CYP1A2: variants seen among roughly 807,000 people sequenced by gnomAD.
CYP1A2 encodes the protein cytochrome P450 1A2.
Under a neutral mutation model 34.7 loss-of-function variants are expected in CYP1A2, and 35 were observed. The ratio of observed to expected loss-of-function variants is 1.01; its 90% CI spans 0.77 to 1.34. The LOEUF is 1.34. CYP1A2 is among the 40% of genes most tolerant of loss of function. The pLI, the probability that CYP1A2 is intolerant of heterozygous loss-of-function variation, is 0.00. For synonymous variants in CYP1A2, 288 were observed against 281.9 expected, an observed-to-expected ratio of 1.02 and a Z score of -0.22; for missense variants, 675 against 675.8, an observed-to-expected ratio of 1.00 and a Z score of 0.01.
In CYP1A2 at chr15:74,750,301, C is replaced by T; in HGVS notation, c.563C>T (p.Pro188Leu). 1 of 1,614,230 alleles carries T rather than the reference C, an allele frequency of 6.2e-7. No homozygotes were observed. Among genetic ancestry groups the T allele is most frequent in the Non-Finnish European group, 8.5e-7 (1 of 1,180,046 alleles). Residue 188 changes from proline to leucine, a missense_variant, in exon 2 of 7, where the codon CCT becomes CTT. Coordinates refer to ENST00000343932, the MANE Select transcript of CYP1A2 (RefSeq NM_000761.5). ...ELMAGPGHFD[P>L]YNQVVVSVAN... ...ATGGCAGGGCCTGGGCACTTCGACC[C>T]TTACAATCAGGTGGTGGTGTCAGTG...
chr15:74,752,408 C>T (rs1271835725), intron 5 of CYP1A2, among the ~76,000 whole-genome samples, 161 bp downstream of exon 5: 1 of 152,184 alleles, frequency 6.6e-6, no homozygotes, highest in East Asian at 1.9e-4. Context: ...ATAATCTAAC[C>T]CCCAGCTCTC....
intron 1 of CYP1A2, 119 bp from the exon 2 acceptor site, chr15:74,749,611 G>A: frequency 1.2e-6 from 1 of 818,006 alleles, no homozygotes; most frequent in Admixed American, 2.5e-5. Context: ...AGTCTTTCTG[G>A]TATCCAGCTG....
In CYP1A2 at chr15:74,750,377, C is replaced by T. The variant is rs539316577; in HGVS notation, c.639C>T (p.Ser213=). Residue 213 remains serine (S), a synonymous_variant, in exon 2 of 7, where the codon AGC becomes AGT. Transcript: ENST00000343932. ...TCGGACAGCACTTCCCTGAGAGTAG[C>T]GATGAGATGCTCAGCCTCGTGAAGA... ...MCFGQHFPES[S]DEMLSLVKNT... is the part of the protein sequence containing the mutation. 14 of 1,614,140 alleles carry T rather than the reference C, an allele frequency of 8.7e-6. No homozygotes were observed. The highest frequency in any genetic ancestry group is 6.6e-5 in the South Asian group (6 of 91,078).
chr15:74,751,226 A>G lies in CYP1A2; in HGVS notation c.869A>G (p.His290Arg), dbSNP rs771876603. The G allele has an allele frequency of 5.0e-5, 80 of 1,614,022 alleles. 1 individual carries two copies. In the South Asian group the frequency reaches 8.7e-4, roughly 17 times the overall value. Residue 290 changes from histidine to arginine, a missense_variant, in exon 3 of 7, where the codon CAC becomes CGC. Physicochemically the swap from His to Arg is conservative, Grantham distance 29. Transcript: ENST00000343932. The stretch of plus-strand genomic sequence containing the variant: ...GACATCACGGGTGCCCTGTTCAAGC[A>G]CAGCAAGAAGGGGCCTAGAGCCAGC... ...VRDITGALFK[H>R]SKKGPRASGN...
rs748007860 is a variant in CYP1A2 at position 74,753,282 on chromosome 15, C to T, written c.1253+12C>T. On this transcript the variant is annotated intron_variant, in intron 6 of 6. Transcript: ENST00000343932. ...GTCAACCATGACCCGTGAGTACATA[C>T]CCCTCACGAAAAAATGTGTGCAGGT... 2 of 1,608,114 alleles carry T rather than the reference C, an allele frequency of 1.2e-6. No homozygotes were observed. The highest frequency in any genetic ancestry group is 3.3e-5 in the Admixed American group (2 of 59,926).
chr15:74,754,843 G>A lies in CYP1A2; in HGVS notation c.1306G>A (p.Asp436Asn), dbSNP rs144148965. 186 of 1,614,172 alleles carry A rather than the reference G, an allele frequency of 1.2e-4. No individual in the cohort carries two copies. The African/African-American group carries it at 1.6e-3, about 14-fold the overall frequency. ...EFRPERFLTA[D>N]GTAINKPLSE... ...CCGGCCTGAGCGGTTCCTCACCGCC[G>A]ATGGCACTGCCATTAACAAGCCCTT... is the stretch of plus-strand genomic sequence containing the variant. The change falls in exon 7 of 7, where the codon GAT becomes AAT. Residue 436 changes from aspartate to asparagine, a missense_variant. Coordinates refer to ENST00000343932, the MANE Select transcript of CYP1A2 (RefSeq NM_000761.5).
chr15:74,751,347 C>T (rs1416216487), intron 3 of CYP1A2, 38 bp downstream of exon 3: 4 of 1,611,374 alleles, frequency 2.5e-6, no homozygotes, highest in South Asian at 2.2e-5. Context: ...CCAACAATGC[C>T]TGCTGTTCAC....
intron 5 of CYP1A2, 34 bp from the exon 6 acceptor site, chr15:74,753,150 C>A (rs1395690986): frequency 6.3e-7 from 1 of 1,586,302 alleles, no homozygotes; most frequent in Non-Finnish European, 8.6e-7. Flanking sequence ...AGCTTTCCAG[C>A]CCTGAGCCTC....
rs201820772 is a variant in CYP1A2 at position 74,750,078 on chromosome 15, T to C, written c.340T>C (p.Ser114Pro). 40 of 1,613,858 alleles carry C rather than the reference T, an allele frequency of 2.5e-5. No individual in the cohort carries two copies. Among genetic ancestry groups the C allele is most frequent in the Non-Finnish European group, 3.2e-5 (38 of 1,180,026 alleles). The part of the protein sequence containing the change: ...DFKGRPDLYT[S>P]TLITDGQSLT... ...CAAGGGCCGGCCTGACCTCTACACC[T>C]CCACCCTCATCACTGATGGCCAGAG... Residue 114 changes from serine to proline, a missense_variant, in exon 2 of 7, where the codon TCC (serine) becomes CCC (proline). Physicochemically the swap from Ser to Pro is moderately conservative, Grantham distance 74. Coordinates refer to ENST00000343932, the MANE Select transcript of CYP1A2 (RefSeq NM_000761.5).
At chr15:74,753,775 T>C (rs1596358956) in intron 6 of CYP1A2, among the ~76,000 whole-genome samples, 1 of 149,396 alleles carries the variant, frequency 6.7e-6, no homozygotes, top group Non-Finnish European at 1.5e-5. Flanking sequence ...TTGTTACAGG[T>C]GATGGTTCCC....
rs1279527923 is a variant in CYP1A2 at position 74,753,198 on chromosome 15, C to T, written c.1181C>T (p.Thr394Ile). The change falls in exon 6 of 7, where the codon ACA becomes ATA. Residue 394 changes from threonine to isoleucine, a missense_variant. By Grantham distance (89) the Thr-to-Ile change is moderately conservative. Transcript: ENST00000343932. ...FTIPHSTTRD[T>I]TLNGFYIPKK... The stretch of plus-strand genomic sequence containing the variant: ...TCCCTCCTCAGCACAACAAGGGACA[C>T]AACGCTGAATGGCTTCTACATCCCC... 1 of 1,613,654 alleles carries T rather than the reference C, an allele frequency of 6.2e-7. No individual in the cohort carries two copies. The highest frequency in any genetic ancestry group is 1.1e-5 in the South Asian group (1 of 91,068).
intron 1 of CYP1A2, among the ~76,000 whole-genome samples, chr15:74,749,154 C>T (rs1036226464): frequency 6.6e-6 from 1 of 152,210 alleles, no homozygotes; most frequent in Admixed American, 6.5e-5. Flanking sequence ...CAACCCCAAC[C>T]TCCAAGACTG....
At position 74,755,363 on chromosome 15, in the gene CYP1A2, A is replaced by AAC. The variant is rs2063333608; in HGVS notation, c.*276_*277insCA. On this transcript the variant is annotated 3_prime_UTR_variant, in exon 7 of 7. Coordinates refer to ENST00000343932, the MANE Select transcript of CYP1A2 (RefSeq NM_000761.5). Reference sequence around the variant, plus strand: ...AAGACCCCATCTCAAAAAAAAAAACAAACAAACAAAAAAAAAACCATATAT... The same window carrying AAC: ...AAGACCCCATCTCAAAAAAAAAAACAACAACAAACAAAAAAAAAACCATATAT... 2 of 269,266 alleles carry AAC rather than the reference A, an allele frequency of 7.4e-6. No individual in the cohort carries two copies. Among genetic ancestry groups the AAC allele is most frequent in the South Asian group, 1.7e-4 (2 of 12,030 alleles). 16.7% of individuals were successfully genotyped at this position (269,266 alleles called of 1,614,324 possible).
chr15:74,752,195 A>T lies in CYP1A2; in HGVS notation c.1114A>T (p.Ile372Phe). The T allele has an allele frequency of 6.2e-7, 1 of 1,613,960 alleles. No homozygotes were observed. Among genetic ancestry groups the T allele is most frequent in the Non-Finnish European group, 8.5e-7 (1 of 1,179,958 alleles). Residue 372 changes from isoleucine (I) to phenylalanine (F), a missense_variant, in exon 5 of 7, where the codon ATC (isoleucine) becomes TTC (phenylalanine). Ile to Phe is a conservative substitution (Grantham distance 21, BLOSUM62 0). Transcript: ENST00000343932. ...RPQLPYLEAF[I>F]LETFRHSSFL... ...CCAGCTGCCCTACTTGGAGGCCTTCATCCTGGAGACCTTCCGACACTCCTC... is the reference window on the plus strand; with the variant it reads ...CCAGCTGCCCTACTTGGAGGCCTTCTTCCTGGAGACCTTCCGACACTCCTC...
intron 2 of CYP1A2, 102 bp from the exon 3 acceptor site, chr15:74,751,086 TA>T (rs1354012716): frequency 1.6e-5 from 24 of 1,503,332 alleles, no homozygotes; most frequent in East Asian, 2.3e-5. Context: ...GTTGGGAGGA[TA>T]GGGGGGTACC....
At position 74,755,172 on chromosome 15, in the gene CYP1A2, T is replaced by C. The variant is rs2063332774; in HGVS notation, c.*84T>C. On this transcript the variant is annotated 3_prime_UTR_variant, in exon 7 of 7. Coordinates refer to ENST00000343932, the MANE Select transcript of CYP1A2 (RefSeq NM_000761.5). The stretch of plus-strand genomic sequence containing the variant: ...CCCTTGTTTCTCTTCCTTTCTTTTT[T>C]TAAAAAATAGCAGCTTTAGCCAAGT... 2.0e-6 allele frequency: 3 copies of C among 1,474,526 alleles called. No homozygotes were observed. The East Asian group carries it at 7.0e-5, about 34-fold the overall frequency. The allele number at this position is 1,474,526 out of a possible 1,614,324, so 91.3% of individuals were successfully genotyped here.
intron 3 of CYP1A2, among the ~76,000 whole-genome samples, 174 bp downstream of exon 3, chr15:74,751,483 G>A (rs1433074298): frequency 6.6e-6 from 1 of 152,180 alleles, no homozygotes; most frequent in Non-Finnish European, 1.5e-5. Flanking sequence ...ATTCCCAGTG[G>A]AGAAACAGCA....
chr15:74,751,140 C>T (rs775549462), intron 2 of CYP1A2, 49 bp from the exon 3 acceptor site: 1 of 1,609,390 alleles, frequency 6.2e-7, no homozygotes, highest in Non-Finnish European at 8.5e-7. Context: ...AACGTTCAGC[C>T]TTTGACCTTG....
At position 74,750,373 on chromosome 15, in the gene CYP1A2, G is replaced by A. The variant is rs1799174533; in HGVS notation, c.635G>A (p.Ser212Asn). Residue 212 changes from serine (S) to asparagine (N), a missense_variant, in exon 2 of 7, where the codon AGT (serine) becomes AAT (asparagine). Coordinates refer to ENST00000343932, the MANE Select transcript of CYP1A2 (RefSeq NM_000761.5). ...AMCFGQHFPE[S>N]SDEMLSLVKN... ...TGCTTCGGACAGCACTTCCCTGAGA[G>A]TAGCGATGAGATGCTCAGCCTCGTG... 6.2e-7 allele frequency: 1 copy of A among 1,614,164 alleles called. No individual in the cohort carries two copies. Among genetic ancestry groups the A allele is most frequent in the Non-Finnish European group, 8.5e-7 (1 of 1,180,036 alleles).
Sources: gnomAD v4.1 joint callset for allele counts (sites outside exome capture counted in the v4.1 genomes callset) on GRCh38, gnomAD v4.1.1 for gene constraint, MANE v1.5 for transcripts, NCBI Gene and HGNC (gene_info 2026-07-23, HGNC 2026-07-21) for gene names.